Variants in SERINC5 observed in about 807,000 individuals in gnomAD.
SERINC5 encodes serine incorporator 5.
SERINC5 carries 41 observed loss-of-function variants against 63.1 expected under a neutral mutation model. The ratio of observed to expected loss-of-function variants is 0.65; its 90% CI spans 0.51 to 0.84. The LOEUF (loss-of-function observed/expected upper bound fraction) is 0.84, where lower values mean the gene tolerates loss of function less well. SERINC5 is among the 40% of genes least tolerant of loss of function. SERINC5 has a pLI of 0.00. For synonymous variants in SERINC5, 222 were observed against 215.2 expected, an observed-to-expected ratio of 1.03 and a Z score of -0.28; for missense variants, 523 against 573.0, an observed-to-expected ratio of 0.91 and a Z score of 0.89.
intron 4 of SERINC5, among the ~76,000 whole-genome samples, chr5:80,175,927 C>T (rs1199192932): frequency 6.7e-6 from 1 of 150,276 alleles, no homozygotes; most frequent in African/African-American, 2.5e-5. Context: ...ACCTGTAAAT[C>T]CCAGCACTTT....
At chr5:80,237,158 C>G (rs1561448356) in intron 1 of SERINC5, among the ~76,000 whole-genome samples, 1 of 152,118 alleles carries the variant, frequency 6.6e-6, no homozygotes, top group African/African-American at 2.4e-5. Flanking sequence ...GTATCACTGC[C>G]TGCCCCAGGG....
chr5:80,146,003 CCTT>C (rs1319822296), intron 11 of SERINC5, 84 bp downstream of exon 11: 24 of 1,410,712 alleles, frequency 1.7e-5, no homozygotes, highest in Admixed American at 1.1e-4. Flanking sequence ...GAGTGAGACT[CCTT>C]CTCAAACAAA....
chr5:80,179,357 A>G (rs758773643), intron 2 of SERINC5, among the ~76,000 whole-genome samples: 2 of 152,200 alleles, frequency 1.3e-5, no homozygotes, highest in Non-Finnish European at 2.9e-5. Context: ...ATTAATACGC[A>G]AAATCCCATC....
At chr5:80,233,252 C>T (rs932606815) in intron 1 of SERINC5, among the ~76,000 whole-genome samples, 2 of 152,052 alleles carry the variant, frequency 1.3e-5, no homozygotes, top group African/African-American at 4.8e-5. Flanking sequence ...ATGGAGAAAC[C>T]CTATCTCTAC....
chr5:80,241,424 G>A (rs960038079), intron 1 of SERINC5, among the ~76,000 whole-genome samples: 7 of 152,062 alleles, frequency 4.6e-5, no homozygotes, highest in East Asian at 1.9e-4. Context: ...AGCCAAAATC[G>A]CGCCACTGCA....
chr5:80,122,108 T>C (rs934756589), intron 11 of SERINC5, among the ~76,000 whole-genome samples: 1 of 151,626 alleles, frequency 6.6e-6, no homozygotes, highest in Non-Finnish European at 1.5e-5. Context: ...AATTCTCATA[T>C]GGTGTAAATT....
At chr5:80,143,946 C>T in intron 11 of SERINC5, 136 bp from the exon 12 acceptor site, 7 of 1,032,618 alleles carry the variant, frequency 6.8e-6, no homozygotes, top group Non-Finnish European at 9.7e-6. Context: ...ACCATCAACA[C>T]TACCCATTTC....
In SERINC5 at chr5:80,139,512, A is replaced by G. The variant is rs1745372716; in HGVS notation, c.*4151T>C. ...CTTTCTGAAAGGATTTTGCTTAAGG[A>G]AAAAAAAAGCTCTTTGGTAAAGGCC... On this transcript the variant is annotated 3_prime_UTR_variant, in exon 12 of 12. Transcript: ENST00000507668. 2.0e-6 allele frequency: 2 copies of G among 982,898 alleles called. No homozygotes were observed. The highest frequency in any genetic ancestry group is 4.7e-5 in the South Asian group (1 of 21,216). The allele number at this position is 982,898 out of a possible 1,614,324, so 60.9% of individuals were successfully genotyped here.
intron 5 of SERINC5, among the ~76,000 whole-genome samples, chr5:80,172,510 T>C: frequency 6.6e-6 from 1 of 152,162 alleles, no homozygotes; most frequent in Non-Finnish European, 1.5e-5. Context: ...AACTGGAAAG[T>C]GTTCAAGCAA....
chr5:80,218,663 G>A (rs1750774037), intron 1 of SERINC5, among the ~76,000 whole-genome samples: 1 of 148,332 alleles, frequency 6.7e-6, no homozygotes, highest in African/African-American at 2.5e-5. Flanking sequence ...GACAGAGCAA[G>A]ACTCTGTCTC....
intron 5 of SERINC5, among the ~76,000 whole-genome samples, chr5:80,174,369 A>AAATAAT (rs55865818): frequency 0.094 from 12,397 of 131,600 alleles, 639 homozygotes; most frequent in East Asian, 0.13. Flanking sequence ...CCCATCTCAA[A>AAATAAT]AATAATAATA....
At chr5:80,119,998 G>A (rs931189777) in intron 11 of SERINC5, among the ~76,000 whole-genome samples, 13 of 152,122 alleles carry the variant, frequency 8.5e-5, no homozygotes, top group Admixed American at 2.0e-4. Context: ...ATCCTGGGTC[G>A]TCCACATAAT....
At chr5:80,171,442 T>C (rs1747650283) in intron 5 of SERINC5, among the ~76,000 whole-genome samples, 1 of 152,242 alleles carries the variant, frequency 6.6e-6, no homozygotes, top group Admixed American at 6.5e-5. Context: ...CTTAGCTCTT[T>C]ATTCCCTGTA....
chr5:80,125,639 T>C (rs978202195), intron 11 of SERINC5, among the ~76,000 whole-genome samples: 3 of 152,162 alleles, frequency 2.0e-5, no homozygotes, highest in African/African-American at 7.2e-5. Flanking sequence ...AAGACTTGAT[T>C]TGCATTATTG....
chr5:80,134,737 C>A (rs1745088186), downstream of SERINC5, among the ~76,000 whole-genome samples: 1 of 152,134 alleles, frequency 6.6e-6, no homozygotes. Context: ...TTGTTAAAAT[C>A]CCAGAAAGAT....
At chr5:80,197,780 C>T (rs564062889) in intron 2 of SERINC5, among the ~76,000 whole-genome samples, 4 of 152,284 alleles carry the variant, frequency 2.6e-5, no homozygotes, top group Non-Finnish European at 4.4e-5. Flanking sequence ...CTTGACTTAG[C>T]GTTTGGGTTG....
chr5:80,137,154 A>C (rs570440247), downstream of SERINC5, among the ~76,000 whole-genome samples: 352 of 115,436 alleles, frequency 3.0e-3, 5 homozygotes, highest in African/African-American at 6.9e-3. Flanking sequence ...AAAAAAAAAA[A>C]AAAAAAAAAC....
At chr5:80,232,215 T>C (rs377003355) in intron 1 of SERINC5, among the ~76,000 whole-genome samples, 23 of 138,062 alleles carry the variant, frequency 1.7e-4, no homozygotes, top group South Asian at 1.2e-3. Context: ...CCATCCTGGC[T>C]AACACCGTAA....
At chr5:80,185,003 A>G (rs1444130111) in intron 2 of SERINC5, among the ~76,000 whole-genome samples, 1 of 151,992 alleles carries the variant, frequency 6.6e-6, no homozygotes, top group East Asian at 1.9e-4. Flanking sequence ...CAGCCTCCCA[A>G]GTAGCTGGGA....
Sources: allele counts gnomAD v4.1 joint callset (sites outside exome capture counted in the v4.1 genomes callset), GRCh38; gene constraint gnomAD v4.1.1; transcripts MANE v1.5; gene names NCBI Gene and HGNC (gene_info 2026-07-23, HGNC 2026-07-21).